SLC9A2: variants seen among roughly 807,000 people sequenced by gnomAD.
SLC9A2 encodes sodium/hydrogen exchanger 2.
Under a neutral mutation model 71.7 loss-of-function variants are expected in SLC9A2, and 42 were observed. That is an observed-to-expected ratio of 0.59 (90% CI 0.46 to 0.76). The LOEUF (loss-of-function observed/expected upper bound fraction) is 0.76. Ranked by LOEUF, SLC9A2 falls within the 30% of genes least tolerant of loss-of-function variation. SLC9A2 has a pLI of 0.00. For synonymous variants in SLC9A2, 396 were observed against 392.5 expected (o/e 1.01, Z -0.10); for missense variants, 829 against 1,017.4 (o/e 0.81, Z 2.52).
intron 3 of SLC9A2, among the ~76,000 whole-genome samples, chr2:102,668,178 T>C (rs554787809): frequency 6.6e-6 from 1 of 152,208 alleles, no homozygotes; most frequent in Non-Finnish European, 1.5e-5. Context: ...GTAAACATTT[T>C]TGCCCCAAAA....
At chr2:102,650,017 C>T (rs377216397) in intron 1 of SLC9A2, among the ~76,000 whole-genome samples, 171 of 152,262 alleles carry the variant, frequency 1.1e-3, no homozygotes, top group South Asian at 1.9e-3. Context: ...CACATGCACA[C>T]GTGTGTTTCT....
intron 5 of SLC9A2, among the ~76,000 whole-genome samples, chr2:102,687,137 G>A (rs1296261815): frequency 6.6e-6 from 1 of 152,156 alleles, no homozygotes; most frequent in Admixed American, 6.5e-5. Flanking sequence ...GGTTCCACTT[G>A]TGTTGATATC....
chr2:102,651,605 A>G (rs546437842), intron 1 of SLC9A2, among the ~76,000 whole-genome samples: 5 of 152,296 alleles, frequency 3.3e-5, no homozygotes, highest in Non-Finnish European at 5.9e-5. Context: ...TCTCCCATCA[A>G]TCAAAAGGAT....
At chr2:102,658,223 T>C (rs1676983716) in intron 2 of SLC9A2, among the ~76,000 whole-genome samples, 196 bp downstream of exon 2, 1 of 152,182 alleles carries the variant, frequency 6.6e-6, no homozygotes, top group Non-Finnish European at 1.5e-5. Context: ...AAACTTATTA[T>C]TTATAATTTA....
In SLC9A2 at chr2:102,683,333, C is replaced by G. The variant is rs763796670; in HGVS notation, c.1077C>G (p.Ile359Met). The change falls in exon 4 of 12, where the codon ATC (isoleucine) becomes ATG (methionine). Residue 359 changes from isoleucine (I) to methionine (M), a missense_variant. Coordinates refer to ENST00000233969, the MANE Select transcript of SLC9A2 (RefSeq NM_003048.6). ...ENVSQKSYTT[I>M]KYFMKMLSSV... is the part of the protein sequence containing the mutation. ...TATCTCAGAAATCCTACACGACCAT[C>G]AAGTACTTCATGAAGATGCTGAGCA... The G allele has an allele frequency of 6.2e-7, 1 of 1,614,026 alleles. No individual in the cohort carries two copies. Among genetic ancestry groups the G allele is most frequent in the East Asian group, 2.2e-5 (1 of 44,890 alleles).
chr2:102,704,721 C>A (rs1353166034), intron 10 of SLC9A2, 46 bp downstream of exon 10: 1 of 1,585,468 alleles, frequency 6.3e-7, no homozygotes. Context: ...GTGGAGCCGA[C>A]AGCTATTCCA....
intron 3 of SLC9A2, among the ~76,000 whole-genome samples, chr2:102,674,314 G>A (rs1677309738): frequency 6.6e-6 from 1 of 152,092 alleles, no homozygotes; most frequent in Non-Finnish European, 1.5e-5. Context: ...CTTTATCCTT[G>A]CTTGAACAAA....
intron 1 of SLC9A2, among the ~76,000 whole-genome samples, chr2:102,641,340 C>T (rs1676576964): frequency 6.6e-6 from 1 of 152,080 alleles, no homozygotes; most frequent in African/African-American, 2.4e-5. Flanking sequence ...GTGTTACTTC[C>T]CATGGCCTTA....
chr2:102,705,214 C>CAAT (rs952037092), intron 10 of SLC9A2, among the ~76,000 whole-genome samples: 8 of 151,936 alleles, frequency 5.3e-5, no homozygotes, highest in Admixed American at 3.9e-4. Context: ...TCAATAATAA[C>CAAT]AATAATAATA....
intron 3 of SLC9A2, among the ~76,000 whole-genome samples, chr2:102,680,217 T>C (rs911402791): frequency 2.6e-5 from 4 of 152,120 alleles, no homozygotes; most frequent in Admixed American, 2.6e-4. Flanking sequence ...GGCTTATTAG[T>C]GTGTGTTTCT....
At chr2:102,625,636 C>T (rs1396672551) in intron 1 of SLC9A2, among the ~76,000 whole-genome samples, 1 of 152,142 alleles carries the variant, frequency 6.6e-6, no homozygotes, top group Non-Finnish European at 1.5e-5. Flanking sequence ...CATGTCCCTA[C>T]AAAGGACATG....
rs747055978 is a variant in SLC9A2 at position 102,704,528 on chromosome 2, T to C, written c.1846-16T>C. On this transcript the variant is annotated splice_polypyrimidine_tract_variant and intron_variant, in intron 9 of 11. Transcript: ENST00000233969. ...TGTTTTTGTTTTTTAATGTCCTCTA[T>C]ATGTTTTCATTCCAGACTTTATCCT... is the stretch of plus-strand genomic sequence containing the variant. 101 of 1,609,474 alleles carry C rather than the reference T, an allele frequency of 6.3e-5. 3 individuals carry two copies. In the South Asian group the frequency reaches 8.6e-4, roughly 14 times the overall value.
At chr2:102,695,181 T>C in intron 7 of SLC9A2, 68 bp downstream of exon 7, 1 of 1,071,894 alleles carries the variant, frequency 9.3e-7, no homozygotes, top group Non-Finnish European at 1.4e-6. Context: ...GACTTACTGA[T>C]TTGTATTATT....
intron 1 of SLC9A2, among the ~76,000 whole-genome samples, chr2:102,627,368 C>T (rs763075984): frequency 1.3e-5 from 2 of 152,038 alleles, no homozygotes; most frequent in Non-Finnish European, 2.9e-5. Flanking sequence ...AAAAACTCAC[C>T]TGTAAAAGCA....
intron 1 of SLC9A2, among the ~76,000 whole-genome samples, chr2:102,636,705 G>A (rs1382918180): frequency 6.6e-6 from 1 of 152,210 alleles, no homozygotes; most frequent in Non-Finnish European, 1.5e-5. Flanking sequence ...GCCTGGGGCA[G>A]TAGAATAAAA....
intron 1 of SLC9A2, among the ~76,000 whole-genome samples, chr2:102,639,093 A>G (rs1296123166): frequency 6.6e-6 from 1 of 152,220 alleles, no homozygotes; most frequent in Admixed American, 6.5e-5. Flanking sequence ...CTGAGGTGAG[A>G]GGATTTCTTG....
intron 1 of SLC9A2, among the ~76,000 whole-genome samples, chr2:102,650,834 T>C (rs59608009): frequency 0.056 from 8,482 of 152,226 alleles, 495 homozygotes; most frequent in African/African-American, 0.14. Context: ...CTCTGAGAAG[T>C]GATGGCTCTT....
In SLC9A2 at chr2:102,704,810, G is replaced by C; in HGVS notation, c.1977+135G>C. Reference sequence around the variant, plus strand: ...CTCTGAGGAGCTGCAGGAAGGCTGGGGTGGCCGGGGGAAGTGAGTGTTCAC... The same window carrying C: ...CTCTGAGGAGCTGCAGGAAGGCTGGCGTGGCCGGGGGAAGTGAGTGTTCAC... On this transcript the variant is annotated intron_variant, in intron 10 of 11. Coordinates refer to ENST00000233969, the MANE Select transcript of SLC9A2 (RefSeq NM_003048.6). The C allele has an allele frequency of 5.6e-6, 5 of 895,066 alleles. No homozygotes were observed. In the South Asian group the frequency reaches 6.5e-5, roughly 12 times the overall value. The allele number at this position is 895,066 out of a possible 1,614,324, so 55.4% of individuals were successfully genotyped here.
At chr2:102,666,002 G>C (rs1677130351) in intron 3 of SLC9A2, among the ~76,000 whole-genome samples, 1 of 151,898 alleles carries the variant, frequency 6.6e-6, no homozygotes, top group African/African-American at 2.4e-5. Context: ...GCCCACGTGG[G>C]AACCTATAAG....
Sources: gnomAD v4.1 joint callset for allele counts (sites outside exome capture counted in the v4.1 genomes callset) on GRCh38, gnomAD v4.1.1 for gene constraint, MANE v1.5 for transcripts, NCBI Gene and HGNC (gene_info 2026-07-23, HGNC 2026-07-21) for gene names.